Variants in TLK2 observed in about 807,000 individuals in gnomAD.
TLK2 encodes serine/threonine-protein kinase tousled-like 2.
In TLK2, 6 loss-of-function variants were observed where a neutral mutation model predicts 117.3. The ratio of observed to expected loss-of-function variants is 0.05; its 90% confidence interval spans 0.03 to 0.10. TLK2 has a LOEUF of 0.10. Ranked by LOEUF, TLK2 falls within the 10% of genes least tolerant of loss-of-function variation. The pLI is 1.00. For missense variants in TLK2, 299 were observed against 901.2 expected (o/e 0.33, Z 8.56); for synonymous variants, 257 against 316.7 (o/e 0.81, Z 2.00).
chr17:62,486,412 G>A (rs1246009923), intron 2 of TLK2, among the ~76,000 whole-genome samples: 2 of 152,008 alleles, frequency 1.3e-5, no homozygotes, highest in Non-Finnish European at 2.9e-5. Context: ...CGCCCGCCTC[G>A]GCCTCCCAAA....
intron 2 of TLK2, among the ~76,000 whole-genome samples, chr17:62,485,816 G>GTTT (rs879159414): frequency 8.1e-4 from 99 of 122,548 alleles, no homozygotes; most frequent in South Asian, 1.2e-3. Flanking sequence ...TAATTTTCTG[G>GTTT]TTTTTTTTTT....
intron 2 of TLK2, among the ~76,000 whole-genome samples, chr17:62,508,893 G>A (rs1219377497): frequency 6.6e-6 from 1 of 152,056 alleles, no homozygotes; most frequent in Non-Finnish European, 1.5e-5. Flanking sequence ...GCTTGAACCC[G>A]GGAGGTGGAG....
At chr17:62,478,758 C>CA (rs1170401155), upstream of TLK2, among the ~76,000 whole-genome samples, 3 of 17,408 alleles carry the variant, frequency 1.7e-4, no homozygotes, top group Non-Finnish European at 2.2e-3. Context: ...CCAGGACCCC[C>CA]CCCGCCTCCC....
At chr17:62,606,006 CAAAAAAA>C (rs71155942) in intron 19 of TLK2, 117 bp from the exon 20 acceptor site, 20 of 133,052 alleles carry the variant, frequency 1.5e-4, no homozygotes, top group East Asian at 4.2e-4. Flanking sequence ...ACCCTGTCTC[CAAAAAAA>C]AAAAAAAAAA....
chr17:62,521,416 T>G (rs367670047), intron 3 of TLK2, among the ~76,000 whole-genome samples: 1 of 152,194 alleles, frequency 6.6e-6, no homozygotes, highest in South Asian at 2.1e-4. Context: ...TTTTTACAAC[T>G]TTTTTCGAGA....
intron 11 of TLK2, among the ~76,000 whole-genome samples, chr17:62,566,780 A>G (rs182184017): frequency 1.3e-5 from 2 of 152,342 alleles, no homozygotes; most frequent in East Asian, 3.9e-4. Flanking sequence ...CTTAAGATCC[A>G]CATAGTGGCC....
chr17:62,589,391 TATAAG>T (rs761583957), intron 16 of TLK2, among the ~76,000 whole-genome samples: 37 of 152,214 alleles, frequency 2.4e-4, no homozygotes, highest in Non-Finnish European at 5.1e-4. Context: ...TATGTTAACT[TATAAG>T]AGAGTAAAAG....
At chr17:62,532,113 T>G (rs1427515957) in intron 6 of TLK2, among the ~76,000 whole-genome samples, 3 of 152,188 alleles carry the variant, frequency 2.0e-5, no homozygotes, top group African/African-American at 7.2e-5. Context: ...CTAATTTCCC[T>G]TAGATTTTGC....
At position 62,573,428 on chromosome 17, in the gene TLK2, G is replaced by C. The variant is rs2146618912; in HGVS notation, c.1121+61G>C. On this transcript the variant is annotated intron_variant, in intron 12 of 21. Coordinates refer to ENST00000346027, the MANE Select transcript of TLK2 (RefSeq NM_006852.6). Reference sequence around the variant, plus strand: ...CACCCTGCCCCCAAATACAAATGTTGATTGTCACCGGCAATAGTTTTAAAT... The same window carrying C: ...CACCCTGCCCCCAAATACAAATGTTCATTGTCACCGGCAATAGTTTTAAAT... The C allele has an allele frequency of 1.9e-6, 3 of 1,581,244 alleles. No homozygotes were observed. The South Asian group carries it at 3.5e-5, about 18-fold the overall frequency.
At chr17:62,548,036 T>C (rs1385980222) in intron 7 of TLK2, among the ~76,000 whole-genome samples, 2 of 152,164 alleles carry the variant, frequency 1.3e-5, no homozygotes, top group Non-Finnish European at 2.9e-5. Context: ...GAATGTGCTT[T>C]AAGTTTTTGA....
In TLK2 at chr17:62,516,888, T is replaced by G. The variant is rs928813502; in HGVS notation, c.82-3885T>G. Reference sequence around the variant, plus strand: ...GTAATGGTCCAACTTTCATTTCATTTGCATGTACATATCCAGTTTCTCCAG... The same window carrying G: ...GTAATGGTCCAACTTTCATTTCATTGGCATGTACATATCCAGTTTCTCCAG... On this transcript the variant is annotated intron_variant, in intron 2 of 21. Transcript: ENST00000346027. 40 of 666,144 alleles carry G rather than the reference T, an allele frequency of 6.0e-5. No individual in the cohort carries two copies. The African/African-American group carries it at 6.7e-4, about 11-fold the overall frequency. 41.3% of individuals were successfully genotyped at this position (666,144 alleles called of 1,614,324 possible).
intron 11 of TLK2, among the ~76,000 whole-genome samples, chr17:62,572,280 T>C (rs1230670333): frequency 6.6e-6 from 1 of 152,042 alleles, no homozygotes; most frequent in Non-Finnish European, 1.5e-5. Flanking sequence ...AGAAGGGAGC[T>C]ATCATTTGAT....
intron 9 of TLK2, among the ~76,000 whole-genome samples, chr17:62,558,876 C>T (rs777493182): frequency 1.3e-5 from 2 of 152,166 alleles, no homozygotes; most frequent in Non-Finnish European, 2.9e-5. Flanking sequence ...GCTACAAGGT[C>T]TCAAAAATTG....
At chr17:62,568,749 G>A (rs1162735089) in intron 11 of TLK2, among the ~76,000 whole-genome samples, 4 of 151,770 alleles carry the variant, frequency 2.6e-5, no homozygotes, top group Non-Finnish European at 4.4e-5. Context: ...TATGCCTGAT[G>A]AATTTTTGTA....
At chr17:62,505,629 G>A (rs1432997096) in intron 2 of TLK2, among the ~76,000 whole-genome samples, 2 of 151,336 alleles carry the variant, frequency 1.3e-5, no homozygotes, top group African/African-American at 2.4e-5. Context: ...TTTTAAAAAT[G>A]CTTTTAATAC....
chr17:62,488,599 G>A (rs1006632569), intron 2 of TLK2, among the ~76,000 whole-genome samples: 6 of 152,016 alleles, frequency 3.9e-5, no homozygotes, highest in African/African-American at 7.2e-5. Context: ...GTACCAACAC[G>A]TGCCTCTTTC....
intron 6 of TLK2, among the ~76,000 whole-genome samples, chr17:62,535,307 A>C (rs2077038796): frequency 6.6e-6 from 1 of 152,182 alleles, no homozygotes; most frequent in Non-Finnish European, 1.5e-5. Flanking sequence ...TAGATTTGCT[A>C]ATGTTGAATC....
chr17:62,581,864 G>A (rs2081246969), intron 15 of TLK2, among the ~76,000 whole-genome samples: 1 of 152,182 alleles, frequency 6.6e-6, no homozygotes. Context: ...AGATAGAGTT[G>A]TGAAGTCTCT....
At chr17:62,610,587 A>G (rs1191385831) in intron 21 of TLK2, among the ~76,000 whole-genome samples, 1 of 152,220 alleles carries the variant, frequency 6.6e-6, no homozygotes, top group Non-Finnish European at 1.5e-5. Flanking sequence ...CAGTTTGAGC[A>G]GTATCTTGAA....
Sources: gnomAD v4.1 joint callset for allele counts (sites outside exome capture counted in the v4.1 genomes callset) on GRCh38, gnomAD v4.1.1 for gene constraint, MANE v1.5 for transcripts, NCBI Gene and HGNC (gene_info 2026-07-23, HGNC 2026-07-21) for gene names.